The following TTC7B variants were observed in gnomAD, a reference collection of about 807,000 sequenced individuals.
The protein encoded by TTC7B is tetratricopeptide repeat protein 7B.
TTC7B carries 28 observed loss-of-function variants against 106.8 expected under a neutral mutation model. The observed-to-expected ratio is 0.26, with a 90% CI of 0.19 to 0.36. The LOEUF is 0.36. TTC7B is among the 10% of genes least tolerant of loss of function. TTC7B has a pLI of 1.00. For synonymous variants in TTC7B, 405 were observed against 430.6 expected (o/e 0.94, Z 0.74); for missense variants, 862 against 1,076.4 (o/e 0.80, Z 2.79).
intron 18 of TTC7B, among the ~76,000 whole-genome samples, chr14:90,579,689 C>T (rs1361184504): frequency 1.3e-5 from 2 of 152,104 alleles, no homozygotes; most frequent in East Asian, 1.9e-4. Flanking sequence ...ATCCCAACTA[C>T]TAGGGAGGCT....
At chr14:90,571,727 G>A (rs1482714373) in intron 19 of TTC7B, among the ~76,000 whole-genome samples, 1 of 152,190 alleles carries the variant, frequency 6.6e-6, no homozygotes, top group East Asian at 1.9e-4. Flanking sequence ...GGTATTTCAA[G>A]TCTATTTCAT....
Position 90,578,346 on chromosome 14 carries a change from C to A in TTC7B, c.2108-38G>T. On this transcript the variant is annotated intron_variant, in intron 18 of 19. Transcript: ENST00000328459. This position sits in a 1 kb window ranked among gnomAD's most constrained non-coding sequence, Gnocchi z 4.7. ...AGCAACGGCACATGCTTTCCTGGTG[C>A]CCCTCTGAGGCCCTGCGAGCAGCCA... is the stretch of plus-strand genomic sequence containing the variant. The A allele has an allele frequency of 1.3e-6, 2 of 1,598,200 alleles. No homozygotes were observed. The highest frequency in any genetic ancestry group is 1.7e-6 in the Non-Finnish European group (2 of 1,171,388).
chr14:90,605,865 A>C, intron 17 of TTC7B: 1 of 819,782 alleles, frequency 1.2e-6, no homozygotes, highest in South Asian at 2.1e-5. Context: ...CTGCAAAGAA[A>C]ATGAGGTCAT....
rs527686225 is a variant in TTC7B, at chr14:90,774,546, C to T, written c.445+6192G>A. Among the ~76,000 whole-genome samples, 50 of 152,344 alleles carry T rather than the reference C, an allele frequency of 3.3e-4. 1 individual carries two copies. The South Asian group carries it at 0.01, about 32-fold the overall frequency. On this transcript the variant is annotated intron_variant, in intron 3 of 19. Coordinates refer to ENST00000328459, the MANE Select transcript of TTC7B (RefSeq NM_001010854.2). ...TTGGATTTGCACTGCCCCCTCCACC[C>T]CCTCTGTGAACAGAGCACACCTGCT... is the stretch of plus-strand genomic sequence containing the variant.
intron 4 of TTC7B, among the ~76,000 whole-genome samples, chr14:90,732,368 G>A (rs886112694): frequency 7.2e-5 from 11 of 152,028 alleles, no homozygotes; most frequent in African/African-American, 2.7e-4. Context: ...GTCCTCTCTT[G>A]CTTCCCTATT....
At chr14:90,659,295 G>T (rs1886089971) in intron 9 of TTC7B, among the ~76,000 whole-genome samples, 1 of 149,084 alleles carries the variant, frequency 6.7e-6, no homozygotes, top group East Asian at 2.0e-4. Flanking sequence ...AAGGGGAGGT[G>T]TTTTTTTTTA....
chr14:90,734,372 A>G (rs7143441), intron 4 of TTC7B, among the ~76,000 whole-genome samples: 14,226 of 150,226 alleles, frequency 0.095, 1,638 homozygotes, highest in African/African-American at 0.28. Flanking sequence ...GTGAGCCAAG[A>G]TTGCGCCACT....
Position 90,578,017 on chromosome 14 carries a change from AAG to A in TTC7B, c.2310+87_2310+88del. On this transcript the variant is annotated intron_variant, in intron 19 of 19. Coordinates refer to ENST00000328459, the MANE Select transcript of TTC7B (RefSeq NM_001010854.2). This position sits in a 1 kb window ranked among gnomAD's most constrained non-coding sequence, Gnocchi z 4.7. ...AACTGCATGGGGCCTTTGGAAGCAG[AAG>A]AGGGTGTGAGGGTCATGTGCTACCT... 6.9e-7 allele frequency: 1 copy of A among 1,459,054 alleles called. No homozygotes were observed. The highest frequency in any genetic ancestry group is 1.2e-5 in the South Asian group (1 of 80,822). The allele number at this position is 1,459,054 out of a possible 1,614,324, so 90.4% of individuals were successfully genotyped here. A position where few individuals can be genotyped will look rare whatever the true frequency, so the allele number is the denominator to read the frequency against.
chr14:90,548,289 C>A (rs1889922689), intron 19 of TTC7B, among the ~76,000 whole-genome samples: 1 of 152,220 alleles, frequency 6.6e-6, no homozygotes, highest in South Asian at 2.1e-4. Context: ...AGGGATGGTA[C>A]TGGAGCACTT....
chr14:90,677,831 C>T, intron 8 of TTC7B: 1 of 455,618 alleles, frequency 2.2e-6, no homozygotes, highest in Admixed American at 2.4e-5. Context: ...CACTTTAAAA[C>T]TCCTTGCTGT....
At chr14:90,732,837 C>T (rs1223526666) in intron 4 of TTC7B, among the ~76,000 whole-genome samples, 1 of 152,094 alleles carries the variant, frequency 6.6e-6, no homozygotes, top group Non-Finnish European at 1.5e-5. Flanking sequence ...GCTCCTTTTC[C>T]TCTTTCTCAT....
At chr14:90,740,144 A>G in intron 4 of TTC7B, among the ~76,000 whole-genome samples, 1 of 152,222 alleles carries the variant, frequency 6.6e-6, no homozygotes, top group East Asian at 1.9e-4. Flanking sequence ...TTAAACAAAT[A>G]TTTGATGCAC....
chr14:90,740,996 G>A (rs1452241144), intron 4 of TTC7B, among the ~76,000 whole-genome samples: 2 of 152,200 alleles, frequency 1.3e-5, no homozygotes, highest in Non-Finnish European at 2.9e-5. Flanking sequence ...CCTCACAGCA[G>A]CCTCATGGCA....
intron 17 of TTC7B, among the ~76,000 whole-genome samples, chr14:90,598,526 G>A (rs916457091): frequency 9.4e-4 from 143 of 152,140 alleles, no homozygotes; most frequent in African/African-American, 3.3e-3. Flanking sequence ...ATTTCCTCAC[G>A]GGCCAAGAGG....
chr14:90,695,436 T>A, intron 6 of TTC7B, 64 bp downstream of exon 6: 1 of 876,530 alleles, frequency 1.1e-6, no homozygotes, highest in South Asian at 2.2e-5. Context: ...TAAAAAAATA[T>A]GAATGTAAAT....
chr14:90,552,336 G>A (rs1029066328), intron 19 of TTC7B, among the ~76,000 whole-genome samples: 1 of 152,270 alleles, frequency 6.6e-6, no homozygotes, highest in Non-Finnish European at 1.5e-5. Flanking sequence ...GGCAGGGGCA[G>A]GTGTGGGGCT....
At chr14:90,744,681 T>C in intron 4 of TTC7B, 111 bp downstream of exon 4, 1 of 1,159,160 alleles carries the variant, frequency 8.6e-7, no homozygotes, top group South Asian at 1.5e-5. Context: ...CAAGTAAAGC[T>C]TTGCACACAG....
rs1889200442 is a variant in TTC7B at position 90,528,500 on chromosome 14, G to A, written c.*12868C>T. On this transcript the variant is annotated 3_prime_UTR_variant, in exon 20 of 20. Transcript: ENST00000328459. ...ACCTGTTTCCGACGGTGTGACCCGA[G>A]TGCGCTTCGTTACCCGTTTCTGATG... The A allele has an allele frequency of 1.3e-5, 2 of 152,784 alleles. No individual in the cohort carries two copies. The highest frequency in any genetic ancestry group is 1.3e-4 in the Admixed American group (2 of 15,288). 9.5% of individuals were successfully genotyped at this position (152,784 alleles called of 1,614,324 possible).
chr14:90,557,555 C>A (rs1890372189), intron 19 of TTC7B, among the ~76,000 whole-genome samples: 1 of 152,232 alleles, frequency 6.6e-6, no homozygotes, highest in Admixed American at 6.5e-5. Flanking sequence ...GTGGCAGCAG[C>A]CAACGCAGCC....
Sources: gnomAD v4.1 joint callset for allele counts (sites outside exome capture counted in the v4.1 genomes callset) on GRCh38, gnomAD v4.1.1 for gene constraint, Gnocchi (gnomAD v3.1) non-coding constraint, MANE v1.5 for transcripts, NCBI Gene and HGNC (gene_info 2026-07-23, HGNC 2026-07-21) for gene names.